Variants in FOCAD observed in about 807,000 individuals in gnomAD.
FOCAD encodes the protein KIAA1797.
A neutral mutation model predicts 225.6 loss-of-function variants in FOCAD; 198 were observed. The ratio of observed to expected loss-of-function variants is 0.88; its 90% CI spans 0.78 to 0.99. The LOEUF (loss-of-function observed/expected upper bound fraction) is 0.99, where lower values mean the gene tolerates loss of function less well. FOCAD is among the 50% of genes least tolerant of loss of function. The pLI is 0.00. For missense variants in FOCAD, 2,713 were observed against 2,123.6 expected (o/e 1.28, Z -5.46); for synonymous variants, 897 against 755.0 (o/e 1.19, Z -3.08).
Position 20,734,817 on chromosome 9 carries a change from G to A in FOCAD, c.288-5419G>A, listed in dbSNP as rs148155941. ...ATGCCACCACACTTGGCCAGTTTTT[G>A]TATTTTTTGTAGAGATGGGGTTTTG... is the stretch of plus-strand genomic sequence containing the variant. On this transcript the variant is annotated intron_variant, in intron 4 of 43. Transcript: ENST00000338382. Among the ~76,000 whole-genome samples the A allele has an allele frequency of 2.8e-3, 432 of 152,078 alleles. 1 individual carries two copies. Among genetic ancestry groups the A allele is most frequent in the African/African-American group, 1.0e-2 (415 of 41,508 alleles).
chr9:20,916,648 C>T (rs755399010), intron 23 of FOCAD, among the ~76,000 whole-genome samples: 8 of 152,206 alleles, frequency 5.3e-5, no homozygotes, highest in Non-Finnish European at 1.2e-4. Flanking sequence ...GCTATCTGTA[C>T]ATCCCCCCTC....
chr9:20,976,071 G>GT (rs2132583376), intron 35 of FOCAD, among the ~76,000 whole-genome samples: 1 of 152,142 alleles, frequency 6.6e-6, no homozygotes. Context: ...GATTTTGAAT[G>GT]TTTCAGCATA....
In FOCAD at chr9:20,820,342, C is replaced by G; in HGVS notation, c.1579C>G (p.Leu527Val). Residue 527 changes from leucine (L) to valine (V), a missense_variant, in exon 13 of 44, where the codon CTA becomes GTA. Transcript: ENST00000338382. ...GVHKVCIGQI[L>V]RIIQLLGTTP... ...TTTCTAGGTGTGTATAGGACAAATT[C>G]TACGAATAATACAACTACTTGGAAC... 1 of 1,612,236 alleles carries G rather than the reference C, an allele frequency of 6.2e-7. No individual in the cohort carries two copies. The highest frequency in any genetic ancestry group is 8.5e-7 in the Non-Finnish European group (1 of 1,178,970).
chr9:20,909,851 CG>C (rs1335241962), intron 22 of FOCAD, among the ~76,000 whole-genome samples: 1 of 152,050 alleles, frequency 6.6e-6, no homozygotes, highest in African/African-American at 2.4e-5. Flanking sequence ...TCAAGAATTT[CG>C]GTCCTAGAAG....
chr9:20,794,471 C>T (rs918234486), intron 11 of FOCAD, among the ~76,000 whole-genome samples: 2 of 152,112 alleles, frequency 1.3e-5, no homozygotes, highest in African/African-American at 4.8e-5. Flanking sequence ...GTTCTAACAA[C>T]TTTCTAATAG....
Position 20,778,544 on chromosome 9 carries a change from A to G in FOCAD, c.907-137A>G. 5.4e-6 allele frequency: 3 copies of G among 550,482 alleles called. No individual in the cohort carries two copies. In the South Asian group the frequency reaches 8.1e-5, roughly 15 times the overall value. The allele number at this position is 550,482 out of a possible 1,614,324, so 34.1% of individuals were successfully genotyped here. On this transcript the variant is annotated intron_variant, in intron 8 of 43. Coordinates refer to ENST00000338382, the MANE Select transcript of FOCAD (RefSeq NM_001375567.1). Reference sequence around the variant, plus strand: ...CGACCAATTCTTTCTTTAGTAGAGCACACTTGCTGTATAAATAAATTTGTG... The same window carrying G: ...CGACCAATTCTTTCTTTAGTAGAGCGCACTTGCTGTATAAATAAATTTGTG...
In FOCAD at chr9:20,770,379, C is replaced by A. The variant is rs892767891; in HGVS notation, c.906+141C>A. The A allele has an allele frequency of 1.2e-4, 93 of 749,838 alleles. 2 individuals are homozygous for A. The highest frequency in any genetic ancestry group is 3.9e-4 in the Middle Eastern group (1 of 2,574). The allele number at this position is 749,838 out of a possible 1,614,324, so 46.4% of individuals were successfully genotyped here. On this transcript the variant is annotated intron_variant, in intron 8 of 43. Transcript: ENST00000338382. ...ATGCATGGTGCTGGCATCTGCTTAG[C>A]TTCTGGGGAGGCCTCAGGAAACTTA... is the stretch of plus-strand genomic sequence containing the variant.
chr9:20,899,272 A>C (rs368689088), intron 21 of FOCAD, among the ~76,000 whole-genome samples: 1 of 151,902 alleles, frequency 6.6e-6, no homozygotes, highest in Admixed American at 6.6e-5. Context: ...AAAACTCATA[A>C]AGGTGTGGGG....
chr9:20,658,321 C>G (rs940449697), exon 1 of FOCAD: 6 of 163,564 alleles, frequency 3.7e-5, no homozygotes, highest in Non-Finnish European at 6.5e-5. Flanking sequence ...TCGAGCTTCC[C>G]GGCTGCTTTG....
At chr9:20,986,894 G>A (rs1413277038) in intron 40 of FOCAD, among the ~76,000 whole-genome samples, 1 of 152,196 alleles carries the variant, frequency 6.6e-6, no homozygotes, top group Non-Finnish European at 1.5e-5. Context: ...TCTCTGGGAT[G>A]AGAATAATCA....
intron 11 of FOCAD, among the ~76,000 whole-genome samples, chr9:20,791,252 C>G (rs1820510364): frequency 6.6e-6 from 1 of 151,468 alleles, no homozygotes. Flanking sequence ...CACACACACA[C>G]ACACACACAC....
intron 12 of FOCAD, among the ~76,000 whole-genome samples, 175 bp downstream of exon 12, chr9:20,820,075 A>G (rs554084166): frequency 6.6e-6 from 1 of 152,202 alleles, no homozygotes; most frequent in South Asian, 2.1e-4. Context: ...TTTAATAATT[A>G]ATTGTTTTAA....
chr9:20,912,950 C>T lies in FOCAD; in HGVS notation c.2803C>T (p.Leu935Phe). The T allele has an allele frequency of 6.2e-7, 1 of 1,611,902 alleles. No individual in the cohort carries two copies. The highest frequency in any genetic ancestry group is 8.5e-7 in the Non-Finnish European group (1 of 1,178,600). The change falls in exon 23 of 44, where the codon CTC (leucine) becomes TTC (phenylalanine). Residue 935 changes from leucine to phenylalanine, a missense_variant. Physicochemically the swap from Leu to Phe is conservative, Grantham distance 22 (BLOSUM62 0). Transcript: ENST00000338382. ...EVQYKKSTAWLWVRDMLTDEI... is the reference protein window; with the variant it reads ...EVQYKKSTAWFWVRDMLTDEI... ...GCAGTACAAAAAAAGCACAGCCTGG[C>T]TCTGGTAAGTGTTCATGTTCAGCTG...
chr9:20,753,603 A>G (rs1280139809), intron 5 of FOCAD, among the ~76,000 whole-genome samples: 1 of 151,788 alleles, frequency 6.6e-6, no homozygotes. Flanking sequence ...TTCATCAAGG[A>G]TATTGGTCTA....
chr9:20,992,394 T>C (rs1841746117), intron 42 of FOCAD, among the ~76,000 whole-genome samples: 1 of 152,156 alleles, frequency 6.6e-6, no homozygotes, highest in Admixed American at 6.5e-5. Flanking sequence ...ATTTCAGAAA[T>C]GGGGGCTTAT....
At chr9:20,911,191 G>A (rs531930222) in intron 22 of FOCAD, among the ~76,000 whole-genome samples, 1 of 152,196 alleles carries the variant, frequency 6.6e-6, no homozygotes, top group East Asian at 1.9e-4. Flanking sequence ...AAGAAACAAA[G>A]GGGAGAATGA....
chr9:20,918,092 C>T (rs1050256896), intron 24 of FOCAD, among the ~76,000 whole-genome samples: 2 of 152,284 alleles, frequency 1.3e-5, no homozygotes, highest in Middle Eastern at 3.4e-3. Flanking sequence ...AGTTGCATAT[C>T]AGAGGGGGAG....
At chr9:20,764,510 C>A (rs768601632) in intron 6 of FOCAD, among the ~76,000 whole-genome samples, 1 of 152,232 alleles carries the variant, frequency 6.6e-6, no homozygotes, top group African/African-American at 2.4e-5. Context: ...CCTCGGCCTC[C>A]CAAAGTGCTG....
chr9:20,868,338 A>G (rs1292326203), intron 18 of FOCAD, among the ~76,000 whole-genome samples: 1 of 152,122 alleles, frequency 6.6e-6, no homozygotes, highest in Non-Finnish European at 1.5e-5. Flanking sequence ...CATTCCTAAA[A>G]TATTCCAGCT....
Sources: allele counts gnomAD v4.1 joint callset (sites outside exome capture counted in the v4.1 genomes callset), GRCh38; gene constraint gnomAD v4.1.1; transcripts MANE v1.5; gene names NCBI Gene and HGNC (gene_info 2026-07-23, HGNC 2026-07-21).